The following NHERF1 variants were observed in gnomAD, a reference collection of about 807,000 sequenced individuals.
NHERF1 encodes the protein Na(+)/H(+) exchange regulatory cofactor NHE-RF1.
chr17:74,754,032 C>T, the NHERF1 span, among the ~76,000 whole-genome samples: 2 of 151,962 alleles, frequency 1.3e-5, no homozygotes, highest in African/African-American at 4.8e-5. Context: ...GGCGTGGTGG[C>T]AGGTGCCTGT....
chr17:74,765,586 C>CT, the NHERF1 span, among the ~76,000 whole-genome samples: 2 of 149,420 alleles, frequency 1.3e-5, no homozygotes, highest in East Asian at 2.0e-4. Context: ...GACACAGTCT[C>CT]TGTCACCCAG....
the NHERF1 span, chr17:74,748,905 G>T: frequency 6.2e-7 from 1 of 1,600,532 alleles, no homozygotes. The surrounding 1 kb of genome is among the most constrained non-coding windows in gnomAD (Gnocchi z 4.3). Context: ...CTGGAGAAGG[G>T]TCCGAACGGC....
At chr17:74,768,405 T>A in the NHERF1 span, 1 of 1,583,334 alleles carries the variant, frequency 6.3e-7, no homozygotes, top group Non-Finnish European at 8.7e-7. Flanking sequence ...TCACCAAGGC[T>A]GAGGACCAGG....
chr17:74,757,263 C>T, the NHERF1 span, among the ~76,000 whole-genome samples: 461 of 152,294 alleles, frequency 3.0e-3, 3 homozygotes, highest in African/African-American at 0.011. Context: ...TCCTGGTTCC[C>T]ACCCTACCAG....
the NHERF1 span, among the ~76,000 whole-genome samples, chr17:74,758,900 G>A: frequency 3.9e-5 from 6 of 152,190 alleles, no homozygotes; most frequent in African/African-American, 1.4e-4. This position sits in a 1 kb window ranked among gnomAD's most constrained non-coding sequence, Gnocchi z 4.3. Flanking sequence ...CCCCAGGGGG[G>A]CTGCCCCAAG....
chr17:74,749,425 C>T, the NHERF1 span: 2 of 832,946 alleles, frequency 2.4e-6, no homozygotes, highest in Admixed American at 3.0e-5. This position sits in a 1 kb window ranked among gnomAD's most constrained non-coding sequence, Gnocchi z 5.6. Flanking sequence ...CCGCTTCCGC[C>T]CGCCGACCAG....
the NHERF1 span, among the ~76,000 whole-genome samples, chr17:74,752,722 G>A: frequency 2.6e-5 from 4 of 152,140 alleles, no homozygotes; most frequent in African/African-American, 9.7e-5. Context: ...TTGAACTCCT[G>A]GGCTGAGGTG....
chr17:74,766,680 C>A, the NHERF1 span, among the ~76,000 whole-genome samples: 49 of 152,118 alleles, frequency 3.2e-4, no homozygotes, highest in African/African-American at 1.1e-3. Flanking sequence ...CTTTGGGAGG[C>A]CAAGGTGGAA....
At chr17:74,754,298 C>T in the NHERF1 span, among the ~76,000 whole-genome samples, 1 of 151,944 alleles carries the variant, frequency 6.6e-6, no homozygotes, top group East Asian at 1.9e-4. Flanking sequence ...GATAGAGTGG[C>T]CCTACCTGGA....
At chr17:74,755,487 T>G in the NHERF1 span, among the ~76,000 whole-genome samples, 2 of 152,082 alleles carry the variant, frequency 1.3e-5, no homozygotes, top group African/African-American at 4.8e-5. Context: ...AATGTTTAGG[T>G]CCCTAGGCCC....
chr17:74,763,626 C>G, the NHERF1 span: 1 of 1,180,600 alleles, frequency 8.5e-7, no homozygotes, highest in South Asian at 1.4e-5. Flanking sequence ...TGGGCAGCTT[C>G]CCGGCATGGG....
the NHERF1 span, among the ~76,000 whole-genome samples, chr17:74,751,151 C>T: frequency 2.6e-5 from 4 of 152,222 alleles, no homozygotes; most frequent in Admixed American, 1.3e-4. This position sits in a 1 kb window ranked among gnomAD's most constrained non-coding sequence, Gnocchi z 4.3. Context: ...GAGCCCCTTA[C>T]TAAATGCTGA....
chr17:74,763,198 C>T, the NHERF1 span: 1 of 609,748 alleles, frequency 1.6e-6, no homozygotes, highest in East Asian at 2.8e-5. Context: ...GGGAGGACCC[C>T]CAGCCTAGTT....
At chr17:74,768,467 G>A in the NHERF1 span, 1 of 1,614,040 alleles carries the variant, frequency 6.2e-7, no homozygotes, top group Non-Finnish European at 8.5e-7. Flanking sequence ...TCTCTTTACA[G>A]CTGAATTCCC....
At chr17:74,766,586 T>C in the NHERF1 span, among the ~76,000 whole-genome samples, 1 of 152,012 alleles carries the variant, frequency 6.6e-6, no homozygotes, top group South Asian at 2.1e-4. Context: ...TGTGAAACTT[T>C]TATCACACAA....
the NHERF1 span, among the ~76,000 whole-genome samples, chr17:74,751,126 T>A: frequency 3.3e-5 from 5 of 152,114 alleles, no homozygotes; most frequent in African/African-American, 1.2e-4. The surrounding 1 kb of genome is among the most constrained non-coding windows in gnomAD (Gnocchi z 4.3). Context: ...ATTATAGAAA[T>A]GACGTGAAGC....
chr17:74,749,727 G>C, the NHERF1 span, among the ~76,000 whole-genome samples: 1 of 152,184 alleles, frequency 6.6e-6, no homozygotes, highest in African/African-American at 2.4e-5. This position sits in a 1 kb window ranked among gnomAD's most constrained non-coding sequence, Gnocchi z 5.6. Flanking sequence ...AGCTTCGCCC[G>C]CCACTCCTAC....
the NHERF1 span, chr17:74,748,890 G>A: frequency 1.3e-6 from 2 of 1,598,332 alleles, no homozygotes; most frequent in African/African-American, 1.3e-5. This position sits in a 1 kb window ranked among gnomAD's most constrained non-coding sequence, Gnocchi z 4.3. Flanking sequence ...CCCCGGCTCT[G>A]CTGCCTGGAG....
At chr17:74,754,165 A>G in the NHERF1 span, among the ~76,000 whole-genome samples, 1,445 of 151,886 alleles carry the variant, frequency 9.5e-3, 27 homozygotes, top group African/African-American at 0.034. Flanking sequence ...CTCATCTCCA[A>G]AATAAAAAAA....
Sources: gnomAD v4.1 joint callset for allele counts (sites outside exome capture counted in the v4.1 genomes callset) on GRCh38, gnomAD v4.1.1 for gene constraint, Gnocchi (gnomAD v3.1) non-coding constraint, MANE v1.5 for transcripts, NCBI Gene and HGNC (gene_info 2026-07-23, HGNC 2026-07-21) for gene names.